Variants in RGS7 observed in about 807,000 individuals in gnomAD.
RGS7 encodes regulator of G protein signaling 7.
RGS7 carries 27 observed loss-of-function variants against 81.1 expected under a neutral mutation model. The ratio of observed to expected loss-of-function variants is 0.33; its 90% CI spans 0.25 to 0.46. The LOEUF (loss-of-function observed/expected upper bound fraction) is 0.46. Ranked by LOEUF, RGS7 falls within the 20% of genes least tolerant of loss-of-function variation. The probability of loss-of-function intolerance (pLI) is 1.00; values close to 1 mark genes in which losing one functional copy is unlikely to be tolerated. For missense variants in RGS7, 396 were observed against 607.4 expected, an observed-to-expected ratio of 0.65 and a Z score of 3.66; for synonymous variants, 208 against 207.7, an observed-to-expected ratio of 1.00 and a Z score of -0.01.
intron 9 of RGS7, among the ~76,000 whole-genome samples, chr1:240,835,569 A>G: frequency 6.6e-6 from 1 of 152,218 alleles, no homozygotes. Flanking sequence ...CGATCCAGCA[A>G]TCATCCTCAT....
chr1:240,910,875 C>A (rs1033897027), intron 6 of RGS7, among the ~76,000 whole-genome samples: 2 of 152,038 alleles, frequency 1.3e-5, no homozygotes, highest in African/African-American at 4.8e-5. Flanking sequence ...TGTGCCACAA[C>A]GCCCAACTAA....
At chr1:241,246,021 G>A (rs2076519521) in intron 2 of RGS7, among the ~76,000 whole-genome samples, 1 of 150,916 alleles carries the variant, frequency 6.6e-6, no homozygotes, top group South Asian at 2.1e-4. Flanking sequence ...GGAGAATGGC[G>A]TGAACCTGGG....
rs576584521 is a variant in RGS7 at position 240,917,645 on chromosome 1, A to G, written c.385+13072T>C. Among the ~76,000 whole-genome samples, 68 of 152,324 alleles carry G rather than the reference A, an allele frequency of 4.5e-4. 1 individual carries two copies. Among genetic ancestry groups the G allele is most frequent in the African/African-American group, 1.6e-3 (68 of 41,586 alleles). On this transcript the variant is annotated intron_variant, in intron 6 of 18. Transcript: ENST00000440928. ...TTGATACTGGGCAAAAAGGGAAAACAGAATTATATAAAATGTTCATTTAAA... is the reference window on the plus strand; with the variant it reads ...TTGATACTGGGCAAAAAGGGAAAACGGAATTATATAAAATGTTCATTTAAA...
At chr1:240,976,500 A>T (rs902343509) in intron 4 of RGS7, among the ~76,000 whole-genome samples, 1 of 152,218 alleles carries the variant, frequency 6.6e-6, no homozygotes, top group Non-Finnish European at 1.5e-5. Flanking sequence ...TATTTGAATT[A>T]GTAGACTTTG....
At chr1:241,072,532 G>C (rs369694215) in intron 3 of RGS7, among the ~76,000 whole-genome samples, 1 of 152,114 alleles carries the variant, frequency 6.6e-6, no homozygotes, top group African/African-American at 2.4e-5. Context: ...GCTGCGGACC[G>C]TAAAACCATT....
intron 9 of RGS7, among the ~76,000 whole-genome samples, chr1:240,862,291 T>C (rs1167547590): frequency 6.6e-6 from 1 of 152,202 alleles, no homozygotes; most frequent in African/African-American, 2.4e-5. Flanking sequence ...AATCATATTA[T>C]GTATATTTTC....
At chr1:241,191,275 G>A (rs553209740) in intron 2 of RGS7, among the ~76,000 whole-genome samples, 85 of 152,174 alleles carry the variant, frequency 5.6e-4, no homozygotes, top group South Asian at 2.7e-3. Context: ...CACCGTGCCC[G>A]GCCTCCACTA....
intron 2 of RGS7, among the ~76,000 whole-genome samples, chr1:241,189,375 A>G (rs1005989714): frequency 1.7e-4 from 26 of 151,994 alleles, no homozygotes; most frequent in Non-Finnish European, 3.5e-4. Flanking sequence ...TTGCATTCTT[A>G]CTGTTGTGTT....
intron 2 of RGS7, among the ~76,000 whole-genome samples, chr1:241,158,110 C>T (rs1006207978): frequency 2.0e-5 from 3 of 152,102 alleles, no homozygotes; most frequent in Non-Finnish European, 4.4e-5. Flanking sequence ...TGAGCCACCA[C>T]GCCTGTCCCC....
chr1:240,784,870 A>T (rs1684807380), intron 18 of RGS7, among the ~76,000 whole-genome samples: 1 of 151,938 alleles, frequency 6.6e-6, no homozygotes, highest in Non-Finnish European at 1.5e-5. Context: ...CCACTGGTTT[A>T]TGTGATCCAA....
chr1:240,793,858 C>T (rs993299710), intron 18 of RGS7, among the ~76,000 whole-genome samples: 3 of 151,630 alleles, frequency 2.0e-5, no homozygotes, highest in African/African-American at 7.3e-5. Context: ...GTGATCAGTC[C>T]GCCTCAGCCT....
At chr1:241,306,380 C>T (rs1435401692) in intron 2 of RGS7, among the ~76,000 whole-genome samples, 2 of 150,964 alleles carry the variant, frequency 1.3e-5, no homozygotes, top group Non-Finnish European at 3.0e-5. Flanking sequence ...CACACGCACA[C>T]ACCCTTACAC....
At chr1:241,334,335 C>T (rs2082126423) in intron 2 of RGS7, among the ~76,000 whole-genome samples, 1 of 152,198 alleles carries the variant, frequency 6.6e-6, no homozygotes, top group Admixed American at 6.6e-5. Flanking sequence ...CTCAGGCTTG[C>T]ACTTTCTTGT....
intron 2 of RGS7, among the ~76,000 whole-genome samples, chr1:241,219,531 G>T (rs2074773223): frequency 1.3e-5 from 2 of 152,124 alleles, no homozygotes; most frequent in African/African-American, 4.8e-5. Flanking sequence ...CTAGAGATGT[G>T]CCAGTTACCC....
chr1:241,043,038 T>C (rs1273625209), intron 3 of RGS7, among the ~76,000 whole-genome samples: 1 of 152,164 alleles, frequency 6.6e-6, no homozygotes, highest in Non-Finnish European at 1.5e-5. Context: ...TTGCTTTCTT[T>C]TGTACAGCCA....
intron 3 of RGS7, among the ~76,000 whole-genome samples, chr1:241,054,900 T>C (rs903470001): frequency 5.3e-5 from 8 of 152,184 alleles, no homozygotes; most frequent in Admixed American, 1.3e-4. Flanking sequence ...AACACTCCAG[T>C]GGTCTTCCAG....
At chr1:240,888,380 A>G (rs1454105315) in intron 6 of RGS7, among the ~76,000 whole-genome samples, 1 of 152,182 alleles carries the variant, frequency 6.6e-6, no homozygotes, top group Non-Finnish European at 1.5e-5. Context: ...TGCTGGAGAA[A>G]AGCAGAAATT....
intron 2 of RGS7, among the ~76,000 whole-genome samples, chr1:241,349,027 T>C (rs1196412958): frequency 2.6e-5 from 4 of 152,202 alleles, no homozygotes; most frequent in African/African-American, 4.8e-5. Context: ...ATATTAATTA[T>C]ACTAGCAGGC....
chr1:240,862,406 C>T (rs182042264), intron 9 of RGS7, among the ~76,000 whole-genome samples: 19 of 152,266 alleles, frequency 1.2e-4, no homozygotes, highest in African/African-American at 4.1e-4. Flanking sequence ...CCTTTCCTCA[C>T]TACATTTCTG....
Sources: allele counts gnomAD v4.1 joint callset (sites outside exome capture counted in the v4.1 genomes callset), GRCh38; gene constraint gnomAD v4.1.1; transcripts MANE v1.5; gene names NCBI Gene and HGNC (gene_info 2026-07-23, HGNC 2026-07-21).